Variants in ITGA8 observed in about 807,000 individuals in gnomAD.
ITGA8 encodes integrin subunit alpha 8.
ITGA8 carries 91 observed loss-of-function variants against 142.3 expected under a neutral mutation model. That is an observed-to-expected ratio of 0.64 (90% CI 0.54 to 0.76). The LOEUF (loss-of-function observed/expected upper bound fraction) is 0.76. Ranked by LOEUF, ITGA8 falls within the 30% of genes least tolerant of loss-of-function variation. ITGA8 has a pLI of 0.00. For missense variants in ITGA8, 1,406 were observed against 1,327.7 expected (o/e 1.06, Z -0.92); for synonymous variants, 505 against 485.2 (o/e 1.04, Z -0.54).
chr10:15,612,606 A>G (rs1487656546), intron 15 of ITGA8, among the ~76,000 whole-genome samples: 1 of 152,236 alleles, frequency 6.6e-6, no homozygotes, highest in Admixed American at 6.5e-5. Flanking sequence ...TACTCCCTCC[A>G]GATGGCTGAC....
chr10:15,606,950 G>C (rs1358993181), intron 17 of ITGA8, among the ~76,000 whole-genome samples: 2 of 152,148 alleles, frequency 1.3e-5, no homozygotes, highest in Admixed American at 1.3e-4. Context: ...CTTTAGTAGA[G>C]AGGGGTAAGC....
chr10:15,613,672 G>A lies in ITGA8; in HGVS notation c.1541C>T (p.Thr514Ile). 6.2e-7 allele frequency: 1 copy of A among 1,610,296 alleles called. No individual in the cohort carries two copies. Among genetic ancestry groups the A allele is most frequent in the Non-Finnish European group, 8.5e-7 (1 of 1,176,532 alleles). Residue 514 changes from threonine (T) to isoleucine (I), a missense_variant, in exon 15 of 30, where the codon ACA becomes ATA. Coordinates refer to ENST00000378076, the MANE Select transcript of ITGA8 (RefSeq NM_003638.3). ...CGGACTAACTCACCAGGCAGCAGAT[G>A]TCATAGAGTCTGGAACCTGGCAAGT... is the stretch of plus-strand genomic sequence containing the variant. ...NKTCQVPDSMTSAACFSLRVC... is the reference protein window; with the variant it reads ...NKTCQVPDSMISAACFSLRVC...
rs372255781 is a variant in ITGA8 at position 15,655,382 on chromosome 10, C to A, written c.973G>T (p.Val325Phe). ...EQMASYFGYT[V>F]VVSDVNSDGL... Reference sequence around the variant, plus strand: ...TCACTGTTAACATCTGATACGACAACGGTATATCCAAAATAAGATGCCATC... The same window carrying A: ...TCACTGTTAACATCTGATACGACAAAGGTATATCCAAAATAAGATGCCATC... The change falls in exon 11 of 30, where the codon GTT (valine) becomes TTT (phenylalanine). Residue 325 changes from valine (V) to phenylalanine (F), a missense_variant. Physicochemically the swap from Val to Phe is conservative, Grantham distance 50. Coordinates refer to ENST00000378076, the MANE Select transcript of ITGA8 (RefSeq NM_003638.3). The A allele has an allele frequency of 1.2e-6, 2 of 1,610,102 alleles. No individual in the cohort carries two copies. Among genetic ancestry groups the A allele is most frequent in the African/African-American group, 2.7e-5 (2 of 74,826 alleles).
chr10:15,636,672 T>C (rs1417774142), intron 13 of ITGA8, among the ~76,000 whole-genome samples: 2 of 152,212 alleles, frequency 1.3e-5, no homozygotes, highest in African/African-American at 4.8e-5. Flanking sequence ...CACTGCTAGT[T>C]GTTACCAAGC....
chr10:15,690,050 C>A (rs1371100148), intron 2 of ITGA8, among the ~76,000 whole-genome samples: 1 of 152,118 alleles, frequency 6.6e-6, no homozygotes, highest in African/African-American at 2.4e-5. Flanking sequence ...CTTTGCCCAC[C>A]CTCTCCGGGA....
chr10:15,589,762 G>C (rs978375894), intron 22 of ITGA8, among the ~76,000 whole-genome samples: 7 of 84,038 alleles, frequency 8.3e-5, no homozygotes, highest in Non-Finnish European at 1.5e-4. Flanking sequence ...CTCAAACGCT[G>C]TATTTTTTTT....
At chr10:15,671,503 G>C in intron 8 of ITGA8, 100 bp downstream of exon 8, 5 of 927,734 alleles carry the variant, frequency 5.4e-6, no homozygotes, top group Non-Finnish European at 8.8e-6. Context: ...ATATCCCTTT[G>C]GTATAGCAAA....
intron 24 of ITGA8, among the ~76,000 whole-genome samples, chr10:15,572,870 C>T (rs893348339): frequency 2.6e-5 from 4 of 152,144 alleles, no homozygotes; most frequent in Admixed American, 6.5e-5. Flanking sequence ...CAGTTCATTT[C>T]GAGTGCGTGT....
intron 20 of ITGA8, among the ~76,000 whole-genome samples, chr10:15,602,847 G>A (rs1241877442): frequency 6.6e-6 from 1 of 152,116 alleles, no homozygotes; most frequent in Non-Finnish European, 1.5e-5. Flanking sequence ...AATGAAAGCT[G>A]AGTGGAGATT....
chr10:15,658,051 T>A (rs1292977973), intron 10 of ITGA8, among the ~76,000 whole-genome samples: 1 of 152,232 alleles, frequency 6.6e-6, no homozygotes, highest in Admixed American at 6.5e-5. Context: ...GGAAATGGGA[T>A]GGAAAGGAAT....
chr10:15,597,049 G>A, intron 21 of ITGA8, 158 bp downstream of exon 21: 3 of 646,336 alleles, frequency 4.6e-6, no homozygotes, highest in South Asian at 3.7e-5. Flanking sequence ...ACTCTGTGTA[G>A]GTTATAATGT....
chr10:15,637,079 A>G (rs1833784207), intron 13 of ITGA8, among the ~76,000 whole-genome samples: 1 of 152,150 alleles, frequency 6.6e-6, no homozygotes, highest in Admixed American at 6.5e-5. Flanking sequence ...TGGGCGGCGG[A>G]GTTTGCAGTG....
chr10:15,564,686 C>T lies in ITGA8; in HGVS notation c.2638-6484G>A, dbSNP rs139931636. Among the ~76,000 whole-genome samples the T allele has an allele frequency of 1.7e-3, 265 of 152,234 alleles. 3 individuals are homozygous for T. Among genetic ancestry groups the T allele is most frequent in the Non-Finnish European group, 4.1e-4 (28 of 68,020 alleles). ...GTGCAGCCAGGATGTGCAGTACAGT[C>T]GGAAATGTGGCATTTGAAAAAAGGA... On this transcript the variant is annotated intron_variant, in intron 25 of 29. Transcript: ENST00000378076.
intron 28 of ITGA8, among the ~76,000 whole-genome samples, chr10:15,520,190 T>C (rs1455354399): frequency 6.6e-6 from 1 of 152,062 alleles, no homozygotes; most frequent in Non-Finnish European, 1.5e-5. Context: ...GGTGGGTGGA[T>C]TGCCTGAGCT....
intron 8 of ITGA8, among the ~76,000 whole-genome samples, chr10:15,662,683 T>C (rs1443040997): frequency 2.0e-5 from 3 of 152,136 alleles, no homozygotes; most frequent in Non-Finnish European, 4.4e-5. Flanking sequence ...ATTTAGATCC[T>C]TGACCTAGGA....
intron 26 of ITGA8, among the ~76,000 whole-genome samples, chr10:15,555,675 C>G (rs549952709): frequency 2.5e-4 from 37 of 147,704 alleles, no homozygotes; most frequent in African/African-American, 8.8e-4. Context: ...TTGGTTCAGT[C>G]TCTTCCACTT....
At chr10:15,540,997 G>T (rs1052520783) in intron 27 of ITGA8, among the ~76,000 whole-genome samples, 1 of 152,184 alleles carries the variant, frequency 6.6e-6, no homozygotes, top group Non-Finnish European at 1.5e-5. Flanking sequence ...TTGCTAGAGA[G>T]TTCTGAATAA....
In ITGA8 at chr10:15,698,353, G is replaced by A. The variant is rs374014702; in HGVS notation, c.344-10315C>T. Among the ~76,000 whole-genome samples, 4 of 152,262 alleles carry A rather than the reference G, an allele frequency of 2.6e-5. No homozygotes were observed. The East Asian group carries it at 5.8e-4, about 22-fold the overall frequency. On this transcript the variant is annotated intron_variant, in intron 2 of 29. Coordinates refer to ENST00000378076, the MANE Select transcript of ITGA8 (RefSeq NM_003638.3). ...TGGTTCCATATTTTTGAAATTGCAAGTTGTGCTGCTATAAACACACATATG... is the reference window on the plus strand; with the variant it reads ...TGGTTCCATATTTTTGAAATTGCAAATTGTGCTGCTATAAACACACATATG...
chr10:15,538,029 A>G (rs969908103), intron 27 of ITGA8, among the ~76,000 whole-genome samples: 1 of 152,122 alleles, frequency 6.6e-6, no homozygotes, highest in Non-Finnish European at 1.5e-5. Context: ...GTCCCAGACA[A>G]TCAGAAGGCT....
Sources: allele counts gnomAD v4.1 joint callset (sites outside exome capture counted in the v4.1 genomes callset), GRCh38; gene constraint gnomAD v4.1.1; transcripts MANE v1.5; gene names NCBI Gene and HGNC (gene_info 2026-07-23, HGNC 2026-07-21).